The following NALF1 variants were observed in gnomAD, a reference collection of about 807,000 sequenced individuals.
NALF1 encodes the protein family with sequence similarity 155 member A.
Under a neutral mutation model 48.4 loss-of-function variants are expected in NALF1, and 3 were observed. The observed-to-expected ratio is 0.06, with a 90% confidence interval of 0.03 to 0.16. NALF1 has a LOEUF of 0.16. Among genes scored for constraint, NALF1 ranks in the 10% least tolerant of loss-of-function variants. The probability of loss-of-function intolerance (pLI) is 1.00; values close to 1 mark genes in which losing one functional copy is unlikely to be tolerated. For missense variants in NALF1, 526 were observed against 571.5 expected (o/e 0.92, Z 0.81); for synonymous variants, 262 against 245.7 (o/e 1.07, Z -0.62).
chr13:107,762,605 A>G (rs550009502), intron 1 of NALF1, among the ~76,000 whole-genome samples: 1 of 152,156 alleles, frequency 6.6e-6, no homozygotes, highest in South Asian at 2.1e-4. Flanking sequence ...GTTAGAGAAA[A>G]TCAAACAGGA....
At chr13:107,661,491 CT>C (rs1880733534) in intron 1 of NALF1, among the ~76,000 whole-genome samples, 1 of 151,792 alleles carries the variant, frequency 6.6e-6, no homozygotes, top group African/African-American at 2.4e-5. Context: ...GGAGTCACGT[CT>C]TTTGCGAGCG....
intron 1 of NALF1, among the ~76,000 whole-genome samples, chr13:107,535,833 A>T (rs1043015489): frequency 1.4e-4 from 22 of 152,210 alleles, no homozygotes; most frequent in African/African-American, 5.3e-4. Flanking sequence ...ACTATACTAC[A>T]AGGCTACAGT....
At chr13:107,815,575 C>T (rs7995541) in intron 1 of NALF1, among the ~76,000 whole-genome samples, 5,357 of 152,208 alleles carry the variant, frequency 0.035, 335 homozygotes, top group African/African-American at 0.12. Flanking sequence ...GTGTAAAATA[C>T]AGTTCTGCAG....
rs150492786 is a variant in NALF1, at chr13:107,278,819, T to C, written c.916-68064A>G. Among the ~76,000 whole-genome samples, 218 of 152,288 alleles carry C rather than the reference T, an allele frequency of 1.4e-3. 2 individuals are homozygous for C. Among genetic ancestry groups the C allele is most frequent in the Middle Eastern group, 6.8e-3 (2 of 294 alleles). On this transcript the variant is annotated intron_variant, in intron 1 of 2. Transcript: ENST00000375915. ...AGAAGATCATTAGCTTTTAAAAATA[T>C]TTTAAATATTTTTCACAATACATTG...
At chr13:107,647,303 TAA>T (rs575100365) in intron 1 of NALF1, among the ~76,000 whole-genome samples, 1 of 152,012 alleles carries the variant, frequency 6.6e-6, no homozygotes, top group Non-Finnish European at 1.5e-5. Context: ...ATGCCCTCAG[TAA>T]AGAGTTAGTT....
intron 1 of NALF1, among the ~76,000 whole-genome samples, chr13:107,364,005 GA>G (rs1883108954): frequency 6.6e-6 from 1 of 152,142 alleles, no homozygotes; most frequent in South Asian, 2.1e-4. Flanking sequence ...TGCATTTTCT[GA>G]ACGTTCTAAT....
intron 1 of NALF1, among the ~76,000 whole-genome samples, chr13:107,378,586 T>C (rs1883379752): frequency 6.6e-6 from 1 of 152,212 alleles, no homozygotes; most frequent in South Asian, 2.1e-4. Flanking sequence ...TCTCTTTTTA[T>C]AGCCATAAAT....
intron 1 of NALF1, among the ~76,000 whole-genome samples, chr13:107,532,067 T>C (rs922948986): frequency 2.0e-5 from 3 of 152,100 alleles, no homozygotes; most frequent in African/African-American, 7.2e-5. Flanking sequence ...GAAAATGCTT[T>C]GTTTCTTAAC....
intron 1 of NALF1, among the ~76,000 whole-genome samples, chr13:107,306,531 T>C (rs1881940007): frequency 6.6e-6 from 1 of 152,158 alleles, no homozygotes; most frequent in Non-Finnish European, 1.5e-5. Context: ...TTAAGGGAAG[T>C]GGCTCCGATC....
rs78211915 is a variant in NALF1, at chr13:107,574,760, G to A, written c.915+290922C>T. Among the ~76,000 whole-genome samples the A allele has an allele frequency of 1.8e-3, 267 of 152,248 alleles. 3 individuals carry two copies. Among genetic ancestry groups the A allele is most frequent in the African/African-American group, 5.9e-3 (247 of 41,550 alleles). ...ACAGCTTGAAATCCCTAAAGGACAC[G>A]CTGATTTCTCAATCTGCATATCAAT... On this transcript the variant is annotated intron_variant, in intron 1 of 2. Transcript: ENST00000375915.
In NALF1 at chr13:107,275,935, C is replaced by T. The variant is rs142442935; in HGVS notation, c.916-65180G>A. On this transcript the variant is annotated intron_variant, in intron 1 of 2. Coordinates refer to ENST00000375915, the MANE Select transcript of NALF1 (RefSeq NM_001080396.3). ...GGCTGTTAGTGGGCTTCTCATAGGACGTTGAGGTGAGGTCCTCAGGTCCCT... is the reference window on the plus strand; with the variant it reads ...GGCTGTTAGTGGGCTTCTCATAGGATGTTGAGGTGAGGTCCTCAGGTCCCT... 2.0e-3 allele frequency among the ~76,000 whole-genome samples: 303 copies of T among 152,120 alleles called. 1 individual carries two copies. The highest frequency in any genetic ancestry group is 6.8e-3 in the Middle Eastern group (2 of 294).
At chr13:107,282,898 A>C (rs754297995) in intron 1 of NALF1, among the ~76,000 whole-genome samples, 1 of 152,180 alleles carries the variant, frequency 6.6e-6, no homozygotes, top group African/African-American at 2.4e-5. Flanking sequence ...TATGCCACTA[A>C]GTTTTGGGGG....
intron 1 of NALF1, among the ~76,000 whole-genome samples, chr13:107,481,690 G>T (rs1885256220): frequency 6.6e-6 from 1 of 152,104 alleles, no homozygotes; most frequent in Non-Finnish European, 1.5e-5. Context: ...CAAGGGGGAG[G>T]AGTGTGTGAA....
chr13:107,607,046 T>C (rs1157928624), intron 1 of NALF1, among the ~76,000 whole-genome samples: 1 of 152,210 alleles, frequency 6.6e-6, no homozygotes, highest in Non-Finnish European at 1.5e-5. Flanking sequence ...GGTGCAAAAG[T>C]ATTTGTGGTT....
At chr13:107,778,558 G>A (rs985821865) in intron 1 of NALF1, among the ~76,000 whole-genome samples, 1 of 152,160 alleles carries the variant, frequency 6.6e-6, no homozygotes, top group African/African-American at 2.4e-5. Context: ...TTGAAAGCAG[G>A]TTTCAGGCTA....
At position 107,164,782 on chromosome 13, in the gene NALF1, G is replaced by A. The variant is rs1032852747; in HGVS notation, c.*5715C>T. 3 of 149,828 alleles carry A rather than the reference G, an allele frequency of 2.0e-5. No homozygotes were observed. Among genetic ancestry groups the A allele is most frequent in the Non-Finnish European group, 4.4e-5 (3 of 67,992 alleles). 9.3% of individuals were successfully genotyped at this position (149,828 alleles called of 1,614,324 possible). ...ATGGTCAGTCTGCTAGCTTAAGGAT[G>A]TGAGGTGTTGTTAAAAAAAAAATGT... On this transcript the variant is annotated 3_prime_UTR_variant, in exon 3 of 3. Coordinates refer to ENST00000375915, the MANE Select transcript of NALF1 (RefSeq NM_001080396.3).
At chr13:107,589,586 G>T (rs920110053) in intron 1 of NALF1, among the ~76,000 whole-genome samples, 1 of 151,776 alleles carries the variant, frequency 6.6e-6, no homozygotes, top group Non-Finnish European at 1.5e-5. Context: ...AGAATAGCTG[G>T]TATTTGCAAT....
chr13:107,745,073 GA>G (rs1876748233), intron 1 of NALF1, among the ~76,000 whole-genome samples: 1 of 152,158 alleles, frequency 6.6e-6, no homozygotes. Context: ...AAACATGATC[GA>G]ATAGATATTC....
intron 1 of NALF1, among the ~76,000 whole-genome samples, chr13:107,558,896 T>A (rs914760626): frequency 6.6e-6 from 1 of 152,176 alleles, no homozygotes; most frequent in African/African-American, 2.4e-5. Context: ...CAGATGTCAA[T>A]GCTCCCAGTT....
Sources: allele counts gnomAD v4.1 joint callset (sites outside exome capture counted in the v4.1 genomes callset), GRCh38; gene constraint gnomAD v4.1.1; transcripts MANE v1.5; gene names NCBI Gene and HGNC (gene_info 2026-07-23, HGNC 2026-07-21).